Variants in ANK3 observed in about 807,000 individuals in gnomAD.
ANK3 encodes the protein ankyrin-3.
ANK3 carries 57 observed loss-of-function variants against 370.9 expected under a neutral mutation model. The observed-to-expected ratio is 0.15, with a 90% CI of 0.12 to 0.19. The LOEUF is 0.19. Ranked by LOEUF, ANK3 falls within the 10% of genes least tolerant of loss-of-function variation. ANK3 has a pLI of 1.00. For synonymous variants in ANK3, 1,929 were observed against 1,946.3 expected (o/e 0.99, Z 0.23); for missense variants, 4,439 against 5,302.1 (o/e 0.84, Z 5.06).
In ANK3 at chr10:60,419,573, A is replaced by T. The variant is rs59085547; in HGVS notation, c.97-139934T>A. On this transcript the variant is annotated intron_variant, in intron 2 of 43. Transcript: ENST00000373827. Reference sequence around the variant, plus strand: ...TCATCTCATTTTGCTAAAACAGGACATCATCAAAGACAAGAATGTCAGAAG... The same window carrying T: ...TCATCTCATTTTGCTAAAACAGGACTTCATCAAAGACAAGAATGTCAGAAG... Among the ~76,000 whole-genome samples, 931 of 152,324 alleles carry T rather than the reference A, an allele frequency of 6.1e-3. 14 individuals carry two copies. The highest frequency in any genetic ancestry group is 0.02 in the African/African-American group (845 of 41,568).
chr10:60,329,186 G>A (rs944173297), intron 1 of ANK3, among the ~76,000 whole-genome samples: 3 of 152,118 alleles, frequency 2.0e-5, no homozygotes, highest in African/African-American at 7.2e-5. Context: ...CATATTGAAT[G>A]GCCAAAAACT....
At chr10:60,550,895 T>C (rs1289063705) in intron 2 of ANK3, among the ~76,000 whole-genome samples, 3 of 152,078 alleles carry the variant, frequency 2.0e-5, no homozygotes, top group African/African-American at 7.2e-5. Context: ...ATCAACCATA[T>C]CATTCCAAAT....
At chr10:60,174,045 C>A (rs1164872429) in intron 18 of ANK3, among the ~76,000 whole-genome samples, 1 of 152,112 alleles carries the variant, frequency 6.6e-6, no homozygotes, top group Admixed American at 6.5e-5. Context: ...AGAACATTGA[C>A]CTTTTATCAC....
intron 25 of ANK3, among the ~76,000 whole-genome samples, chr10:60,124,168 T>A (rs2093637738): frequency 6.6e-6 from 1 of 152,172 alleles, no homozygotes; most frequent in South Asian, 2.1e-4. Context: ...TTATTTATTT[T>A]ATTTTTTGAG....
intron 2 of ANK3, among the ~76,000 whole-genome samples, chr10:60,607,584 G>C (rs2078145185): frequency 6.6e-6 from 1 of 152,160 alleles, no homozygotes; most frequent in South Asian, 2.1e-4. Flanking sequence ...TATCAGCATA[G>C]TGCTCCGGAA....
At chr10:60,079,174 TACACACACACAC>T (rs58239281) in intron 36 of ANK3, among the ~76,000 whole-genome samples, 4,094 of 113,828 alleles carry the variant, frequency 0.036, 128 homozygotes, top group African/African-American at 0.1. Context: ...GCTACCTAGC[TACACACACACAC>T]ACACACACAC....
intron 2 of ANK3, among the ~76,000 whole-genome samples, chr10:60,440,029 G>T (rs991837285): frequency 1.3e-5 from 2 of 152,142 alleles, no homozygotes; most frequent in African/African-American, 4.8e-5. Flanking sequence ...TCCCTGGTGC[G>T]TGCCCCCAGG....
At chr10:60,103,223 T>A (rs1054180468) in intron 28 of ANK3, among the ~76,000 whole-genome samples, 3 of 151,436 alleles carry the variant, frequency 2.0e-5, no homozygotes, top group African/African-American at 7.3e-5. Flanking sequence ...GTGCTGGGAT[T>A]ACAGGCGTGA....
intron 2 of ANK3, among the ~76,000 whole-genome samples, chr10:60,595,544 T>G (rs1301379613): frequency 6.6e-6 from 1 of 152,082 alleles, no homozygotes; most frequent in Non-Finnish European, 1.5e-5. Flanking sequence ...ACCTTAGGTT[T>G]TACAATAATA....
At chr10:60,112,463 G>A (rs1309623049) in intron 26 of ANK3, among the ~76,000 whole-genome samples, 1 of 152,060 alleles carries the variant, frequency 6.6e-6, no homozygotes, top group Non-Finnish European at 1.5e-5. Context: ...CTCTAATTGA[G>A]TTAAAGAAAT....
chr10:60,396,871 T>C (rs995481527), intron 2 of ANK3, among the ~76,000 whole-genome samples: 1 of 152,238 alleles, frequency 6.6e-6, no homozygotes, highest in African/African-American at 2.4e-5. Flanking sequence ...AAAGGAATTC[T>C]TAACTCTCCC....
At chr10:60,174,338 G>A (rs1427434913) in intron 18 of ANK3, among the ~76,000 whole-genome samples, 2 of 152,106 alleles carry the variant, frequency 1.3e-5, no homozygotes, top group Non-Finnish European at 2.9e-5. Context: ...CCACATATAG[G>A]AAACTGACTT....
chr10:60,043,384 T>G, intron 42 of ANK3: 1 of 984,006 alleles, frequency 1.0e-6, no homozygotes, highest in Non-Finnish European at 1.2e-6. Context: ...AATTTTCAGT[T>G]TACTTTTTCT....
At chr10:60,476,032 C>G (rs931045184) in intron 2 of ANK3, among the ~76,000 whole-genome samples, 13 of 152,116 alleles carry the variant, frequency 8.5e-5, no homozygotes, top group African/African-American at 2.4e-5. Flanking sequence ...TTAGCAGAAA[C>G]CTCTATGTTT....
At chr10:60,656,126 C>A (rs1453324339) in intron 1 of ANK3, among the ~76,000 whole-genome samples, 1 of 152,102 alleles carries the variant, frequency 6.6e-6, no homozygotes, top group Non-Finnish European at 1.5e-5. Flanking sequence ...ACTAGGAAAC[C>A]ATCTTGGCCA....
At chr10:60,213,641 T>G in intron 8 of ANK3, 131 bp from the exon 9 acceptor site, 1 of 458,626 alleles carries the variant, frequency 2.2e-6, no homozygotes, top group Non-Finnish European at 3.7e-6. Context: ...GCTCATTTAT[T>G]TCATAAAATA....
At chr10:60,592,554 G>T (rs1595331676) in intron 2 of ANK3, among the ~76,000 whole-genome samples, 1 of 152,194 alleles carries the variant, frequency 6.6e-6, no homozygotes, top group Non-Finnish European at 1.5e-5. Flanking sequence ...GAGGTCAGGA[G>T]TTCGAGACCA....
intron 2 of ANK3, among the ~76,000 whole-genome samples, chr10:60,593,028 A>G (rs2077938523): frequency 6.6e-6 from 1 of 152,134 alleles, no homozygotes; most frequent in South Asian, 2.1e-4. Context: ...CTCTTTTTGA[A>G]ACCTACTTAG....
chr10:60,213,587 G>T, intron 8 of ANK3, 77 bp from the exon 9 acceptor site: 1 of 857,194 alleles, frequency 1.2e-6, no homozygotes, highest in Non-Finnish European at 1.7e-6. Context: ...TCAAGATCCA[G>T]CATGGCACCC....
Sources: allele counts gnomAD v4.1 joint callset (sites outside exome capture counted in the v4.1 genomes callset), GRCh38; gene constraint gnomAD v4.1.1; transcripts MANE v1.5; gene names NCBI Gene and HGNC (gene_info 2026-07-23, HGNC 2026-07-21).